INO80D: variants seen among roughly 807,000 people sequenced by gnomAD.
INO80D encodes the protein INO80 complex subunit D.
A neutral mutation model predicts 87.6 loss-of-function variants in INO80D; 21 were observed. That is an observed-to-expected ratio of 0.24 (90% CI 0.17 to 0.35). The LOEUF (loss-of-function observed/expected upper bound fraction) is 0.35. Among genes scored for constraint, INO80D ranks in the 10% least tolerant of loss-of-function variants. INO80D has a pLI of 1.00. For missense variants in INO80D, 982 were observed against 1,280.7 expected (o/e 0.77, Z 3.56); for synonymous variants, 440 against 491.0 (o/e 0.90, Z 1.37).
In INO80D at chr2:206,032,803, A is replaced by G. The variant is rs1053810507; in HGVS notation, c.1074-4468T>C. 2.0e-5 allele frequency among the ~76,000 whole-genome samples: 3 copies of G among 152,216 alleles called. No homozygotes were observed. In the East Asian group the frequency reaches 5.8e-4, roughly 29 times the overall value. ...TTCACCATGACCAAACCACCACTACAAGAACTGCTAAAAGGAGCTCTAAAT... is the reference window on the plus strand; with the variant it reads ...TTCACCATGACCAAACCACCACTACGAGAACTGCTAAAAGGAGCTCTAAAT... On this transcript the variant is annotated intron_variant, in intron 5 of 10. Transcript: ENST00000403263.
rs115497551 is a variant in INO80D, at chr2:206,051,999, A to G, written c.964+4199T>C. 1.2e-3 allele frequency among the ~76,000 whole-genome samples: 181 copies of G among 152,268 alleles called. 1 individual carries two copies. Among genetic ancestry groups the G allele is most frequent in the African/African-American group, 4.2e-3 (176 of 41,554 alleles). ...CGCAGTTGTAAAGGAGTTTTATTTG[A>G]GAATATTCTTGTTTGTTAAAGATTA... On this transcript the variant is annotated intron_variant, in intron 4 of 10. Coordinates refer to ENST00000403263, the MANE Select transcript of INO80D (RefSeq NM_017759.5).
intron 8 of INO80D, among the ~76,000 whole-genome samples, chr2:206,010,928 A>G (rs998992287): frequency 6.6e-6 from 1 of 151,988 alleles, no homozygotes; most frequent in Non-Finnish European, 1.5e-5. Context: ...AAATACAAAA[A>G]TTAGCCAGGC....
chr2:205,997,960 A>T lies in INO80D; in HGVS notation c.*6408T>A, dbSNP rs1421890506. ...ATTTTTGCATGTGTGTAAAAAATACAGACATATACATGCACACAAGTAATT... is the reference window on the plus strand; with the variant it reads ...ATTTTTGCATGTGTGTAAAAAATACTGACATATACATGCACACAAGTAATT... On this transcript the variant is annotated 3_prime_UTR_variant, in exon 11 of 11. Transcript: ENST00000403263. 6 of 152,206 alleles carry T rather than the reference A, an allele frequency of 3.9e-5. No homozygotes were observed. Among genetic ancestry groups the T allele is most frequent in the Admixed American group, 6.5e-5 (1 of 15,288 alleles). The allele number at this position is 152,206 out of a possible 1,614,324, so 9.4% of individuals were successfully genotyped here.
At chr2:206,012,728 GC>G (rs1331989106) in intron 8 of INO80D, among the ~76,000 whole-genome samples, 1 of 152,002 alleles carries the variant, frequency 6.6e-6, no homozygotes, top group Non-Finnish European at 1.5e-5. Context: ...AATTAACTGG[GC>G]ACGGTGGCAC....
chr2:206,085,124 C>A lies in INO80D; in HGVS notation c.-124+777G>T, dbSNP rs1330444142. ...CCCCCACGCCCTGGGGGGTCCCGGG[C>A]GCTAGGACCAGGGCTCCCCGGAGAG... On this transcript the variant is annotated intron_variant, in intron 1 of 10. Transcript: ENST00000403263. This position sits in a 1 kb window ranked among gnomAD's most constrained non-coding sequence, Gnocchi z 4.5. 2.0e-5 allele frequency among the ~76,000 whole-genome samples: 3 copies of A among 152,030 alleles called. No individual in the cohort carries two copies. Among genetic ancestry groups the A allele is most frequent in the African/African-American group, 7.2e-5 (3 of 41,422 alleles).
chr2:206,073,510 TCTTTC>T (rs921645996), intron 1 of INO80D, among the ~76,000 whole-genome samples: 26 of 152,144 alleles, frequency 1.7e-4, no homozygotes, highest in Non-Finnish European at 2.6e-4. Context: ...TTTCTTCCTT[TCTTTC>T]CTTTCCCTCT....
intron 3 of INO80D, among the ~76,000 whole-genome samples, chr2:206,057,323 A>T (rs1051117722): frequency 1.3e-5 from 2 of 152,140 alleles, no homozygotes; most frequent in African/African-American, 4.8e-5. Context: ...AAATATATAT[A>T]TTTTCTAATG....
Position 206,004,255 on chromosome 2 carries a change from C to T in INO80D, c.*113G>A. 1 of 1,016,340 alleles carries T rather than the reference C, an allele frequency of 9.8e-7. No individual in the cohort carries two copies. Among genetic ancestry groups the T allele is most frequent in the South Asian group, 1.6e-5 (1 of 63,148 alleles). 63.0% of individuals were successfully genotyped at this position (1,016,340 alleles called of 1,614,324 possible). On this transcript the variant is annotated 3_prime_UTR_variant, in exon 11 of 11. Coordinates refer to ENST00000403263, the MANE Select transcript of INO80D (RefSeq NM_017759.5). The surrounding 1 kb of genome is among the most constrained non-coding windows in gnomAD (Gnocchi z 4.9). ...CATTGAACTGGGAAGGGGGGTGCCC[C>T]TCTGATCCCCATCTGTTATATCTTC...
At chr2:206,016,310 T>G (rs990115793) in intron 8 of INO80D, among the ~76,000 whole-genome samples, 3 of 152,202 alleles carry the variant, frequency 2.0e-5, no homozygotes, top group African/African-American at 7.2e-5. Flanking sequence ...GATTTCAGAC[T>G]TGCATGGAGC....
chr2:206,027,331 T>C (rs963489304), intron 6 of INO80D, among the ~76,000 whole-genome samples: 11 of 152,204 alleles, frequency 7.2e-5, no homozygotes, highest in Non-Finnish European at 1.0e-4. Flanking sequence ...AAGGAATTTT[T>C]TTCTTAAAAA....
Position 206,062,593 on chromosome 2 carries a change from C to T in INO80D, c.218+206G>A, listed in dbSNP as rs1254504655. ...TTTAAGTAATTCCCCAAATTTATTA[C>T]TCTATTTTAAAAAATTGCCATATTT... is the stretch of plus-strand genomic sequence containing the variant. On this transcript the variant is annotated intron_variant, in intron 3 of 10. Transcript: ENST00000403263. This position sits in a 1 kb window ranked among gnomAD's most constrained non-coding sequence, Gnocchi z 4.6. 6.6e-6 allele frequency among the ~76,000 whole-genome samples: 1 copy of T among 152,094 alleles called. No homozygotes were observed. Among genetic ancestry groups the T allele is most frequent in the South Asian group, 2.1e-4 (1 of 4,826 alleles).
At chr2:206,083,743 T>A (rs1353557666) in intron 1 of INO80D, among the ~76,000 whole-genome samples, 1 of 149,714 alleles carries the variant, frequency 6.7e-6, no homozygotes, top group Non-Finnish European at 1.5e-5. Flanking sequence ...AGCTTTTCAC[T>A]AACAACAGTG....
chr2:206,029,320 G>A (rs1688702346), intron 5 of INO80D, among the ~76,000 whole-genome samples: 1 of 152,210 alleles, frequency 6.6e-6, no homozygotes, highest in South Asian at 2.1e-4. Flanking sequence ...CTATGTGGAA[G>A]TGATGCTGAA....
rs921041573 is a variant in INO80D, at chr2:205,998,389, G to C, written c.*5979C>G. The C allele has an allele frequency of 1.4e-5, 2 of 144,150 alleles. No homozygotes were observed. Among genetic ancestry groups the C allele is most frequent in the African/African-American group, 5.2e-5 (2 of 38,682 alleles). 8.9% of individuals were successfully genotyped at this position (144,150 alleles called of 1,614,324 possible). A position where few individuals can be genotyped will look rare whatever the true frequency, so the allele number is the denominator to read the frequency against. ...TATATCTGCAAGGTAGCAAAGGATA[G>C]CTATACACCTTGACACGGCAGAGAT... On this transcript the variant is annotated 3_prime_UTR_variant, in exon 11 of 11. Coordinates refer to ENST00000403263, the MANE Select transcript of INO80D (RefSeq NM_017759.5).
chr2:206,040,893 AAAT>A (rs557067178), intron 5 of INO80D: 118 of 159,508 alleles, frequency 7.4e-4, no homozygotes, highest in Middle Eastern at 3.1e-3. Context: ...GCAGTAATAT[AAAT>A]AATAACATTA....
chr2:206,010,087 G>GCACA (rs1400381663), intron 8 of INO80D, among the ~76,000 whole-genome samples: 1 of 95,998 alleles, frequency 1.0e-5, no homozygotes, highest in Non-Finnish European at 2.7e-5. Context: ...ACACACACAC[G>GCACA]CACACACACG....
chr2:206,057,997 G>A (rs986935734), intron 3 of INO80D, among the ~76,000 whole-genome samples: 2 of 151,766 alleles, frequency 1.3e-5, no homozygotes, highest in Non-Finnish European at 2.9e-5. Context: ...ACTGGTCCTT[G>A]GTGCCTTATG....
chr2:206,025,348 C>G (rs1425966629), intron 6 of INO80D, among the ~76,000 whole-genome samples: 1 of 150,414 alleles, frequency 6.6e-6, no homozygotes, highest in South Asian at 2.1e-4. Flanking sequence ...GCCAACATGG[C>G]GAAACTCCAT....
chr2:206,080,335 C>T (rs1690241045), intron 1 of INO80D, among the ~76,000 whole-genome samples: 1 of 152,142 alleles, frequency 6.6e-6, no homozygotes, highest in Non-Finnish European at 1.5e-5. Context: ...CACTTCAAAA[C>T]CTGAAAGAGC....
Sources: allele counts gnomAD v4.1 joint callset (sites outside exome capture counted in the v4.1 genomes callset), GRCh38; gene constraint gnomAD v4.1.1; non-coding constraint Gnocchi (gnomAD v3.1); transcripts MANE v1.5; gene names NCBI Gene and HGNC (gene_info 2026-07-23, HGNC 2026-07-21).